CABIN1: variants seen among roughly 807,000 people sequenced by gnomAD.
CABIN1 encodes the protein calcineurin binding protein 1.
In CABIN1, 133 loss-of-function variants were observed where a neutral mutation model predicts 227.7. The ratio of observed to expected loss-of-function variants is 0.58; its 90% CI spans 0.51 to 0.67. The LOEUF is 0.67. Among genes scored for constraint, CABIN1 ranks in the 30% least tolerant of loss-of-function variants. The probability of loss-of-function intolerance (pLI) is 0.00; values close to 1 mark genes in which losing one functional copy is unlikely to be tolerated. For missense variants in CABIN1, 2,408 were observed against 2,852.5 expected, an observed-to-expected ratio of 0.84 and a Z score of 3.55; for synonymous variants, 1,086 against 1,155.1, an observed-to-expected ratio of 0.94 and a Z score of 1.21.
intron 29 of CABIN1, among the ~76,000 whole-genome samples, chr22:24,139,291 G>A (rs2044604288): frequency 6.6e-6 from 1 of 152,196 alleles, no homozygotes; most frequent in Non-Finnish European, 1.5e-5. Flanking sequence ...AAGTGCGTGT[G>A]TGGCTGGGTG....
chr22:24,025,358 T>A (rs2036006007), intron 1 of CABIN1, among the ~76,000 whole-genome samples: 1 of 152,220 alleles, frequency 6.6e-6, no homozygotes, highest in Admixed American at 6.5e-5. Flanking sequence ...GTTCCATCTC[T>A]TTAAATCTTC....
intron 27 of CABIN1, among the ~76,000 whole-genome samples, chr22:24,114,940 C>G (rs1009299701): frequency 7.2e-5 from 11 of 152,220 alleles, no homozygotes; most frequent in Non-Finnish European, 2.9e-5. Context: ...TTACTTGTAT[C>G]TGGTCCTCAT....
intron 1 of CABIN1, among the ~76,000 whole-genome samples, chr22:24,014,312 T>A (rs192894895): frequency 4.6e-4 from 70 of 152,358 alleles, no homozygotes; most frequent in Admixed American, 4.1e-3. Context: ...TTATATTCTA[T>A]GAGTTAAAAT....
intron 1 of CABIN1, among the ~76,000 whole-genome samples, chr22:24,031,761 A>G (rs981545093): frequency 1.1e-4 from 17 of 152,170 alleles, no homozygotes; most frequent in African/African-American, 3.9e-4. Context: ...AGTGGGCTCC[A>G]TAGCTGGCCC....
chr22:24,062,985 A>G lies in CABIN1; in HGVS notation c.1723A>G (p.Met575Val). 6.2e-7 allele frequency: 1 copy of G among 1,614,164 alleles called. No individual in the cohort carries two copies. Among genetic ancestry groups the G allele is most frequent in the Non-Finnish European group, 8.5e-7 (1 of 1,180,016 alleles). Residue 575 changes from methionine to valine, a missense_variant, in exon 14 of 37, where the codon ATG becomes GTG. Coordinates refer to ENST00000263119, the MANE Select transcript of CABIN1 (RefSeq NM_012295.4). ...AVSPRNCPAG[M>V]VNGRFGPDFP... ...GTCTCCTCGGAACTGCCCTGCTGGT[A>G]TGGTGAATGGCAGATTTGGACCTGA...
At chr22:24,170,714 A>G (rs2046750849) in intron 33 of CABIN1, among the ~76,000 whole-genome samples, 2 of 150,842 alleles carry the variant, frequency 1.3e-5, no homozygotes, top group South Asian at 2.1e-4. Context: ...TAGCAAAACC[A>G]ATGTCAGAAG....
chr22:24,115,744 A>G (rs2147840424), intron 27 of CABIN1, among the ~76,000 whole-genome samples: 1 of 152,312 alleles, frequency 6.6e-6, no homozygotes, highest in Admixed American at 6.5e-5. Context: ...GAAAGCTGGG[A>G]CAGCAGTGCC....
At position 24,054,902 on chromosome 22, in the gene CABIN1, C is replaced by G. The variant is rs1278920184; in HGVS notation, c.836C>G (p.Ala279Gly). The change falls in exon 9 of 37, where the codon GCC (alanine) becomes GGC (glycine). Residue 279 changes from alanine (A) to glycine (G), a missense_variant. Ala to Gly is a moderately conservative substitution (Grantham distance 60, BLOSUM62 0). Around this residue, in one of 3 missense-constraint regions of CABIN1, gnomAD observed 1,045 missense variants for 1,168.4 expected, o/e 0.89. Coordinates refer to ENST00000263119, the MANE Select transcript of CABIN1 (RefSeq NM_012295.4). ...TWKCLGESLL[A>G]MYNHLTTCEP... ...AAGTGCCTCGGAGAGAGCTTGCTGG[C>G]CATGTACAATCATCTCACCACCTGT... 3.1e-6 allele frequency: 5 copies of G among 1,614,174 alleles called. No individual in the cohort carries two copies. Among genetic ancestry groups the G allele is most frequent in the Non-Finnish European group, 4.2e-6 (5 of 1,180,028 alleles).
chr22:24,059,754 G>C (rs979160886), intron 11 of CABIN1, among the ~76,000 whole-genome samples, 170 bp from the exon 12 acceptor site: 18 of 152,150 alleles, frequency 1.2e-4, no homozygotes, highest in African/African-American at 4.3e-4. Context: ...GAGGGTTGGA[G>C]CCAGGCATTG....
intron 5 of CABIN1, among the ~76,000 whole-genome samples, chr22:24,042,546 A>G (rs964942133): frequency 6.6e-6 from 1 of 152,128 alleles, no homozygotes; most frequent in Non-Finnish European, 1.5e-5. Flanking sequence ...ACACCACTGC[A>G]CTCTTGCCTG....
chr22:24,075,494 C>G (rs2040376318), intron 18 of CABIN1, among the ~76,000 whole-genome samples: 2 of 152,216 alleles, frequency 1.3e-5, no homozygotes, highest in Admixed American at 1.3e-4. Flanking sequence ...CGCCATGGCT[C>G]ATGCCTGTAG....
chr22:24,096,103 G>A (rs766666866), intron 25 of CABIN1, 21 bp downstream of exon 25: 27 of 1,613,538 alleles, frequency 1.7e-5, no homozygotes, highest in East Asian at 4.5e-5. Flanking sequence ...CCCTTCAGGC[G>A]ACCCCTAGCA....
chr22:24,053,385 CT>C (rs973957114), intron 8 of CABIN1, among the ~76,000 whole-genome samples: 1 of 147,506 alleles, frequency 6.8e-6, no homozygotes, highest in African/African-American at 2.5e-5. Flanking sequence ...CAGCACTGTC[CT>C]TTTTTTCTTG....
Position 24,052,481 on chromosome 22 carries a change from T to TTA in CABIN1, c.806+1507_806+1508insTA, listed in dbSNP as rs1374839623. Among the ~76,000 whole-genome samples, 80 of 151,092 alleles carry TTA rather than the reference T, an allele frequency of 5.3e-4. 2 individuals carry two copies. Among genetic ancestry groups the TTA allele is most frequent in the Non-Finnish European group, 3.8e-4 (26 of 67,724 alleles). ...TCTTCTTTTTCTTTCTTTTTTTTTT[T>TTA]AAACAATGCTTTAAAAATGTGTAAA... is the stretch of plus-strand genomic sequence containing the variant. On this transcript the variant is annotated intron_variant, in intron 8 of 36. Coordinates refer to ENST00000263119, the MANE Select transcript of CABIN1 (RefSeq NM_012295.4).
At chr22:24,129,851 G>A (rs2043966570) in intron 28 of CABIN1, among the ~76,000 whole-genome samples, 1 of 152,218 alleles carries the variant, frequency 6.6e-6, no homozygotes. Context: ...TCACAAAGAG[G>A]GGTTGGAGGG....
rs773021121 is a variant in CABIN1, at chr22:24,167,102, C to T, written c.5471C>T (p.Pro1824Leu). 1 of 1,548,948 alleles carries T rather than the reference C, an allele frequency of 6.5e-7. No individual in the cohort carries two copies. The highest frequency in any genetic ancestry group is 1.2e-5 in the South Asian group (1 of 84,068). Residue 1824 changes from proline to leucine, a missense_variant, in exon 32 of 37, where the codon CCC (proline) becomes CTC (leucine). Physicochemically the swap from Pro to Leu is moderately conservative, Grantham distance 98. Coordinates refer to ENST00000263119, the MANE Select transcript of CABIN1 (RefSeq NM_012295.4). ...TPAQPAPAPA[P>L]ATTTGTRAGG... The stretch of plus-strand genomic sequence containing the variant: ...GCCCAGCCAGCCCCCGCCCCCGCCC[C>T]CGCCACCACCACAGGGACCAGGGCA...
At chr22:24,092,371 C>G (rs1008582092) in intron 24 of CABIN1, among the ~76,000 whole-genome samples, 1 of 152,184 alleles carries the variant, frequency 6.6e-6, no homozygotes, top group Non-Finnish European at 1.5e-5. Flanking sequence ...TGGATTTTCT[C>G]TCATGGTTTC....
At chr22:24,053,894 G>T (rs1266423963) in intron 8 of CABIN1, among the ~76,000 whole-genome samples, 2 of 152,136 alleles carry the variant, frequency 1.3e-5, no homozygotes, top group African/African-American at 2.4e-5. Context: ...TCTGAACAAG[G>T]TTCCTGCTGC....
chr22:24,071,156 T>C, intron 17 of CABIN1, 114 bp downstream of exon 17: 2 of 1,423,622 alleles, frequency 1.4e-6, no homozygotes, highest in South Asian at 1.2e-5. Context: ...AAAGGGGACA[T>C]GATGGCTTCT....
Sources: gnomAD v4.1 joint callset for allele counts (sites outside exome capture counted in the v4.1 genomes callset) on GRCh38, gnomAD v4.1.1 for gene constraint, gnomAD v4.1.1 regional missense constraint, MANE v1.5 for transcripts, NCBI Gene and HGNC (gene_info 2026-07-23, HGNC 2026-07-21) for gene names.